ST3GAL6: variants seen among roughly 807,000 people sequenced by gnomAD.
ST3GAL6 encodes the protein type 2 lactosamine alpha-2,3-sialyltransferase.
Under a neutral mutation model 40.5 loss-of-function variants are expected in ST3GAL6, and 31 were observed. The observed-to-expected ratio is 0.77, with a 90% confidence interval of 0.58 to 1.03. ST3GAL6 has a LOEUF of 1.03. ST3GAL6 is among the 50% of genes least tolerant of loss of function. The probability of loss-of-function intolerance (pLI) is 0.00; values close to 1 mark genes in which losing one functional copy is unlikely to be tolerated. For synonymous variants in ST3GAL6, 129 were observed against 136.9 expected, an observed-to-expected ratio of 0.94 and a Z score of 0.40; for missense variants, 357 against 393.2, an observed-to-expected ratio of 0.91 and a Z score of 0.78.
At chr3:98,768,611 G>GAAAAAAAAA in intron 2 of ST3GAL6, 82 bp downstream of exon 2, 1 of 1,024,192 alleles carries the variant, frequency 9.8e-7, no homozygotes, top group South Asian at 1.4e-5. Context: ...AGGGTCCTAT[G>GAAAAAAAAA]AAAAAAACTT....
chr3:98,763,568 G>A, intron 1 of ST3GAL6, 129 bp downstream of exon 1: 1 of 839,562 alleles, frequency 1.2e-6, no homozygotes, highest in Non-Finnish European at 1.7e-6. Flanking sequence ...TCTCTTATTT[G>A]CACAAAGATG....
chr3:98,771,276 T>A, intron 3 of ST3GAL6: 1 of 698,972 alleles, frequency 1.4e-6, no homozygotes, highest in Non-Finnish European at 2.1e-6. Context: ...GTTGCTCTCA[T>A]GTTATTTTCC....
intron 1 of ST3GAL6, among the ~76,000 whole-genome samples, chr3:98,735,137 C>A (rs564418845): frequency 6.2e-4 from 94 of 152,290 alleles, no homozygotes; most frequent in Middle Eastern, 3.4e-3. Context: ...ATCTTCCTGA[C>A]AAAACTCCTG....
At chr3:98,773,887 C>T in intron 4 of ST3GAL6, 33 bp from the exon 5 acceptor site, 1 of 1,586,096 alleles carries the variant, frequency 6.3e-7, no homozygotes, top group Non-Finnish European at 8.7e-7. Context: ...ACATGATTAT[C>T]CTTTTATTCA....
intron 1 of ST3GAL6, among the ~76,000 whole-genome samples, chr3:98,743,178 T>G (rs756953158): frequency 2.0e-4 from 30 of 151,236 alleles, no homozygotes; most frequent in East Asian, 5.8e-4. Flanking sequence ...TGGCTCATTT[T>G]TGTGTGTGTG....
In ST3GAL6 at chr3:98,773,906, C is replaced by T; in HGVS notation, c.272-14C>T. 3 of 1,608,724 alleles carry T rather than the reference C, an allele frequency of 1.9e-6. No individual in the cohort carries two copies. The highest frequency in any genetic ancestry group is 2.6e-6 in the Non-Finnish European group (3 of 1,175,412). On this transcript the variant is annotated splice_polypyrimidine_tract_variant and intron_variant, in intron 4 of 9. Coordinates refer to ENST00000483910, the MANE Select transcript of ST3GAL6 (RefSeq NM_001323368.2). ...GATTATCCTTTTATTCATAACACTC[C>T]ATTTGTTTTCTAGCGGAATATTTTC...
rs144592888 is a variant in ST3GAL6 at position 98,773,977 on chromosome 3, T to A, written c.329T>A (p.Phe110Tyr). The A allele has an allele frequency of 9.3e-6, 15 of 1,612,494 alleles. 1 individual carries two copies. Among genetic ancestry groups the A allele is most frequent in the Non-Finnish European group, 1.3e-5 (15 of 1,178,880 alleles). ...CAGAGTTGTGATCTCTTTGATGAGT[T>A]TGACAAGTGAGTTTATTTCCTTGCT... is the stretch of plus-strand genomic sequence containing the variant. ...KLQSCDLFDEFDNIPCKKCVV... is the reference protein window; with the variant it reads ...KLQSCDLFDEYDNIPCKKCVV... The change falls in exon 5 of 10, where the codon TTT becomes TAT. Residue 110 changes from phenylalanine to tyrosine, a missense_variant. By Grantham distance (22) the Phe-to-Tyr change is conservative. Transcript: ENST00000483910.
At chr3:98,790,984 T>A (rs1482781498) in intron 8 of ST3GAL6, among the ~76,000 whole-genome samples, 1 of 152,218 alleles carries the variant, frequency 6.6e-6, no homozygotes, top group Non-Finnish European at 1.5e-5. Flanking sequence ...GTTGTGCTTC[T>A]TCGATTTTTT....
chr3:98,749,279 G>A (rs943480609), intron 1 of ST3GAL6, among the ~76,000 whole-genome samples: 1 of 152,176 alleles, frequency 6.6e-6, no homozygotes, highest in Non-Finnish European at 1.5e-5. Context: ...TCTATCATAT[G>A]TATTGATTTA....
At chr3:98,739,559 C>T (rs1935883267) in intron 1 of ST3GAL6, among the ~76,000 whole-genome samples, 1 of 152,086 alleles carries the variant, frequency 6.6e-6, no homozygotes, top group African/African-American at 2.4e-5. Context: ...GGAAATATTC[C>T]ATTACAAATA....
chr3:98,764,572 G>A (rs914726905), intron 1 of ST3GAL6, among the ~76,000 whole-genome samples: 2 of 152,176 alleles, frequency 1.3e-5, no homozygotes, highest in African/African-American at 4.8e-5. Flanking sequence ...GCAAAAGGAG[G>A]GGCCTGTGCT....
At chr3:98,777,154 G>A (rs1939632417) in intron 5 of ST3GAL6, among the ~76,000 whole-genome samples, 3 of 152,202 alleles carry the variant, frequency 2.0e-5, no homozygotes, top group Non-Finnish European at 4.4e-5. Context: ...GGAGGAAAGG[G>A]CGAAGGGCAT....
chr3:98,788,193 C>G lies in ST3GAL6; in HGVS notation c.589C>G (p.Leu197Val), dbSNP rs772575788. The change falls in exon 7 of 10, where the codon CTG becomes GTG. Residue 197 changes from leucine to valine, a missense_variant. Leu to Val is a conservative substitution (Grantham distance 32). Coordinates refer to ENST00000483910, the MANE Select transcript of ST3GAL6 (RefSeq NM_001323368.2). ...TTTTAAGCCACATGATTTAAGGTGG[C>G]TGTTGGAATTGTTGATGGGTGACAA... Reference protein sequence around the residue: ...TAFKPHDLRWLLELLMGDKIN... With the variant: ...TAFKPHDLRWVLELLMGDKIN... 6.2e-7 allele frequency: 1 copy of G among 1,611,414 alleles called. No homozygotes were observed. The highest frequency in any genetic ancestry group is 8.5e-7 in the Non-Finnish European group (1 of 1,178,616).
In ST3GAL6 at chr3:98,772,931, T is replaced by A. The variant is rs755714648; in HGVS notation, c.271+15T>A. On this transcript the variant is annotated intron_variant, in intron 4 of 9. Transcript: ENST00000483910. The stretch of plus-strand genomic sequence containing the variant: ...GAGAACATCAGGTCAGTAGTAGTAT[T>A]CTTACCTGGTTCTGTTAAATTTGAG... 5.4e-5 allele frequency: 82 copies of A among 1,506,920 alleles called. No individual in the cohort carries two copies. Among genetic ancestry groups the A allele is most frequent in the Non-Finnish European group, 7.2e-5 (78 of 1,085,980 alleles). 93.3% of individuals were successfully genotyped at this position (1,506,920 alleles called of 1,614,324 possible). A position where few individuals can be genotyped will look rare whatever the true frequency, so the allele number is the denominator to read the frequency against.
chr3:98,779,604 G>A (rs931239791), intron 5 of ST3GAL6, among the ~76,000 whole-genome samples: 26 of 152,188 alleles, frequency 1.7e-4, no homozygotes, highest in African/African-American at 5.3e-4. Context: ...GTTTCCCTCT[G>A]CATAAGGTAA....
chr3:98,738,427 C>T (rs1160205497), intron 1 of ST3GAL6, among the ~76,000 whole-genome samples: 3 of 152,060 alleles, frequency 2.0e-5, no homozygotes, highest in Non-Finnish European at 4.4e-5. Flanking sequence ...ATACACACCG[C>T]CACACCCGGC....
intron 9 of ST3GAL6, 94 bp downstream of exon 9, chr3:98,792,087 T>C (rs1941257540): frequency 1.6e-6 from 2 of 1,259,836 alleles, no homozygotes; most frequent in Non-Finnish European, 2.1e-6. Flanking sequence ...CTCATTTTAC[T>C]GAGGGACCAC....
chr3:98,786,586 A>G (rs916393504), intron 6 of ST3GAL6, among the ~76,000 whole-genome samples: 4 of 152,222 alleles, frequency 2.6e-5, no homozygotes, highest in African/African-American at 7.2e-5. Flanking sequence ...ACCTGAATGT[A>G]CAGATGAAGA....
chr3:98,778,815 C>A (rs17210963), intron 5 of ST3GAL6, among the ~76,000 whole-genome samples: 18,172 of 152,194 alleles, frequency 0.12, 1,237 homozygotes, highest in South Asian at 0.18. Context: ...TGAGGATCTC[C>A]TGGCTGCAAG....
Sources: allele counts gnomAD v4.1 joint callset (sites outside exome capture counted in the v4.1 genomes callset), GRCh38; gene constraint gnomAD v4.1.1; transcripts MANE v1.5; gene names NCBI Gene and HGNC (gene_info 2026-07-23, HGNC 2026-07-21).